PCSK6: variants seen among roughly 807,000 people sequenced by gnomAD.
The protein encoded by PCSK6 is paired basic amino acid cleaving enzyme 4.
Under a neutral mutation model 123.3 loss-of-function variants are expected in PCSK6, and 85 were observed. The ratio of observed to expected loss-of-function variants is 0.69; its 90% CI spans 0.58 to 0.83. PCSK6 has a LOEUF of 0.83. Ranked by LOEUF, PCSK6 falls within the 40% of genes least tolerant of loss-of-function variation. The pLI is 0.00. For synonymous variants in PCSK6, 508 were observed against 516.0 expected (o/e 0.98, Z 0.21); for missense variants, 1,191 against 1,282.3 (o/e 0.93, Z 1.09).
At chr15:101,377,537 G>A (rs920492454) in intron 11 of PCSK6, among the ~76,000 whole-genome samples, 1 of 152,138 alleles carries the variant, frequency 6.6e-6, no homozygotes, top group Non-Finnish European at 1.5e-5. Flanking sequence ...CATGTTTATT[G>A]GGGATTTTTA....
chr15:101,403,975 A>T (rs1355826304), intron 6 of PCSK6, among the ~76,000 whole-genome samples: 3 of 152,200 alleles, frequency 2.0e-5, no homozygotes, highest in Non-Finnish European at 4.4e-5. Context: ...CCCACCTCGC[A>T]GGCCATTGCT....
intron 9 of PCSK6, among the ~76,000 whole-genome samples, chr15:101,388,570 G>A (rs556199530): frequency 5.3e-5 from 8 of 152,310 alleles, no homozygotes; most frequent in Middle Eastern, 6.8e-3. Context: ...GGAAGCCAGC[G>A]CAACCTAAAG....
At chr15:101,416,844 C>A (rs1018944101) in intron 6 of PCSK6, among the ~76,000 whole-genome samples, 1 of 152,236 alleles carries the variant, frequency 6.6e-6, no homozygotes, top group African/African-American at 2.4e-5. Context: ...GTTTGGGAAC[C>A]TCCACCTAGA....
At chr15:101,394,122 T>C (rs2042323560) in intron 7 of PCSK6, among the ~76,000 whole-genome samples, 1 of 137,858 alleles carries the variant, frequency 7.3e-6, no homozygotes, top group Non-Finnish European at 1.5e-5. Flanking sequence ...GTGTAGGTTT[T>C]CTTTCCGTTT....
intron 8 of PCSK6, among the ~76,000 whole-genome samples, chr15:101,391,335 G>T (rs1395336101): frequency 6.6e-6 from 1 of 152,190 alleles, no homozygotes; most frequent in Non-Finnish European, 1.5e-5. Flanking sequence ...GGGGTGGCTG[G>T]GCAGGAGGCC....
intron 6 of PCSK6, among the ~76,000 whole-genome samples, chr15:101,426,866 C>T (rs1007383014): frequency 6.6e-6 from 1 of 152,114 alleles, no homozygotes; most frequent in African/African-American, 2.4e-5. Flanking sequence ...GGCTCAGTGG[C>T]AGGATGGCAG....
At chr15:101,477,853 T>G (rs989179102) in intron 1 of PCSK6, among the ~76,000 whole-genome samples, 1 of 152,246 alleles carries the variant, frequency 6.6e-6, no homozygotes, top group Non-Finnish European at 1.5e-5. Context: ...AAAGGTTCCC[T>G]GACCTTCAGA....
intron 1 of PCSK6, among the ~76,000 whole-genome samples, chr15:101,476,330 C>T (rs1006399126): frequency 1.3e-5 from 2 of 152,038 alleles, no homozygotes; most frequent in African/African-American, 4.8e-5. Flanking sequence ...TAAGGATAAC[C>T]ACTGCAACAC....
At chr15:101,394,137 G>GTT (rs1444048837) in intron 7 of PCSK6, among the ~76,000 whole-genome samples, 2,054 of 89,422 alleles carry the variant, frequency 0.023, 65 homozygotes, top group South Asian at 0.077. Flanking sequence ...CCGTTTTTTT[G>GTT]TTTTTTGTTT....
At chr15:101,364,976 G>C (rs756013446) in intron 13 of PCSK6, 1 of 778,134 alleles carries the variant, frequency 1.3e-6, no homozygotes, top group Non-Finnish European at 2.4e-6. Context: ...CAATGGAACA[G>C]AATCGAGAGT....
chr15:101,482,192 C>T (rs1455013227), intron 1 of PCSK6, among the ~76,000 whole-genome samples: 2 of 152,248 alleles, frequency 1.3e-5, no homozygotes, highest in Non-Finnish European at 2.9e-5. Flanking sequence ...TGGGGTCCGG[C>T]CCTGGCCTGT....
intron 6 of PCSK6, among the ~76,000 whole-genome samples, chr15:101,399,482 C>T (rs913350653): frequency 6.6e-6 from 1 of 152,102 alleles, no homozygotes; most frequent in Non-Finnish European, 1.5e-5. Flanking sequence ...TCCTCGAGAG[C>T]ACCCCAAAAA....
chr15:101,352,348 C>T (rs796836973), intron 13 of PCSK6, among the ~76,000 whole-genome samples: 47 of 152,004 alleles, frequency 3.1e-4, no homozygotes, highest in Middle Eastern at 3.4e-3. Flanking sequence ...GGGGTTTCAC[C>T]GTGTTAGCCA....
At chr15:101,473,871 G>A (rs1259380971) in intron 1 of PCSK6, among the ~76,000 whole-genome samples, 2 of 149,586 alleles carry the variant, frequency 1.3e-5, no homozygotes, top group African/African-American at 2.5e-5. Context: ...TGAGACTCAT[G>A]TCTCAAATAA....
At chr15:101,423,167 T>C (rs1297710008) in intron 6 of PCSK6, among the ~76,000 whole-genome samples, 1 of 151,864 alleles carries the variant, frequency 6.6e-6, no homozygotes, top group East Asian at 1.9e-4. Flanking sequence ...AAGATAGATA[T>C]CATGACTGAA....
intron 21 of PCSK6, among the ~76,000 whole-genome samples, chr15:101,306,438 C>A (rs757770940): frequency 1.3e-5 from 2 of 152,108 alleles, no homozygotes; most frequent in Non-Finnish European, 2.9e-5. Flanking sequence ...AGGGCCAGTG[C>A]CAGCTTCATA....
intron 13 of PCSK6, among the ~76,000 whole-genome samples, chr15:101,354,307 T>A (rs2040980208): frequency 6.6e-6 from 1 of 152,082 alleles, no homozygotes; most frequent in South Asian, 2.1e-4. Flanking sequence ...CAAGCCCACA[T>A]ACACACATAC....
chr15:101,439,333 G>A (rs533215283), intron 2 of PCSK6, among the ~76,000 whole-genome samples: 30 of 152,352 alleles, frequency 2.0e-4, no homozygotes, highest in African/African-American at 5.5e-4. Context: ...AGAGCATGTC[G>A]TGAAAGAATA....
At chr15:101,353,544 C>T (rs2040957676) in intron 13 of PCSK6, among the ~76,000 whole-genome samples, 1 of 152,196 alleles carries the variant, frequency 6.6e-6, no homozygotes, top group South Asian at 2.1e-4. Context: ...CCAAGTGAGG[C>T]AGCCTCTCAG....
Sources: gnomAD v4.1 joint callset for allele counts (sites outside exome capture counted in the v4.1 genomes callset) on GRCh38, gnomAD v4.1.1 for gene constraint, MANE v1.5 for transcripts, NCBI Gene and HGNC (gene_info 2026-07-23, HGNC 2026-07-21) for gene names.